Variants in PKHD1 observed in about 807,000 individuals in gnomAD.
The protein encoded by PKHD1 is PKHD1 ciliary IPT domain containing fibrocystin/polyductin.
In PKHD1, 291 loss-of-function variants were observed where a neutral mutation model predicts 412.0. The observed-to-expected ratio is 0.71, with a 90% CI of 0.64 to 0.78. The LOEUF is 0.78. PKHD1 is among the 30% of genes least tolerant of loss of function. PKHD1 has a pLI of 0.00. For synonymous variants in PKHD1, 1,777 were observed against 1,821.5 expected, an observed-to-expected ratio of 0.98 and a Z score of 0.62; for missense variants, 4,825 against 4,950.7, an observed-to-expected ratio of 0.97 and a Z score of 0.76.
At chr6:51,807,383 A>G (rs1319600290) in intron 52 of PKHD1, among the ~76,000 whole-genome samples, 1 of 147,358 alleles carries the variant, frequency 6.8e-6, no homozygotes, top group African/African-American at 2.5e-5. Context: ...GGTTGCAGTG[A>G]GCCGAAATCA....
intron 60 of PKHD1, among the ~76,000 whole-genome samples, chr6:51,698,376 A>G (rs1329895195): frequency 6.6e-6 from 1 of 152,232 alleles, no homozygotes; most frequent in Non-Finnish European, 1.5e-5. Context: ...AAAAGTACAA[A>G]AAGAATTTAG....
At chr6:51,971,236 A>G (rs1005866833) in intron 35 of PKHD1, among the ~76,000 whole-genome samples, 1 of 152,198 alleles carries the variant, frequency 6.6e-6, no homozygotes, top group Admixed American at 6.5e-5. Context: ...TTAGGCCACT[A>G]AGATGGTGGT....
At chr6:51,944,100 CCTGCCTTA>C (rs1789044500) in intron 36 of PKHD1, among the ~76,000 whole-genome samples, 1 of 152,176 alleles carries the variant, frequency 6.6e-6, no homozygotes, top group South Asian at 2.1e-4. Flanking sequence ...ATGGCCTGTT[CCTGCCTTA>C]ACTGATGACA....
At chr6:51,620,484 TG>T (rs1166701559) in intron 66 of PKHD1, among the ~76,000 whole-genome samples, 2 of 152,076 alleles carry the variant, frequency 1.3e-5, no homozygotes, top group African/African-American at 4.8e-5. Context: ...TCCTAAACCC[TG>T]GGGGGTAGAT....
intron 16 of PKHD1, among the ~76,000 whole-genome samples, chr6:52,057,819 T>C (rs1214319291): frequency 6.6e-6 from 1 of 152,238 alleles, no homozygotes; most frequent in Non-Finnish European, 1.5e-5. Context: ...AGAGTTCATA[T>C]TGATTTGTCT....
At chr6:51,631,175 T>C (rs1013876137) in intron 65 of PKHD1, among the ~76,000 whole-genome samples, 6 of 152,150 alleles carry the variant, frequency 3.9e-5, no homozygotes, top group African/African-American at 1.2e-4. Flanking sequence ...AATCACCTAC[T>C]TCACGGGATT....
intron 36 of PKHD1, among the ~76,000 whole-genome samples, chr6:51,958,443 C>T (rs1460996821): frequency 6.6e-6 from 1 of 152,122 alleles, no homozygotes; most frequent in Non-Finnish European, 1.5e-5. Flanking sequence ...GAATGTTATA[C>T]TTATCCTGCC....
chr6:52,004,091 C>A (rs1344690927), intron 35 of PKHD1, among the ~76,000 whole-genome samples: 1 of 151,944 alleles, frequency 6.6e-6, no homozygotes, highest in Non-Finnish European at 1.5e-5. Context: ...ATTTTATTTT[C>A]TATCCCTTCT....
chr6:51,641,630 T>A (rs1769362563), intron 63 of PKHD1, among the ~76,000 whole-genome samples: 1 of 152,104 alleles, frequency 6.6e-6, no homozygotes, highest in Admixed American at 6.6e-5. Flanking sequence ...TAGCAAAGAC[T>A]TGGAATCAAC....
intron 43 of PKHD1, among the ~76,000 whole-genome samples, chr6:51,890,025 T>A (rs1216971046): frequency 6.6e-6 from 1 of 151,976 alleles, no homozygotes; most frequent in African/African-American, 2.4e-5. Flanking sequence ...ATTTTTTTTT[T>A]AAGTAATGAT....
chr6:51,664,960 A>G (rs1331202645), intron 60 of PKHD1, among the ~76,000 whole-genome samples: 1 of 152,124 alleles, frequency 6.6e-6, no homozygotes, highest in Non-Finnish European at 1.5e-5. Flanking sequence ...AATATTAGTT[A>G]TTATAAAATA....
chr6:51,808,221 T>A (rs1324770393), intron 52 of PKHD1, among the ~76,000 whole-genome samples: 1 of 151,702 alleles, frequency 6.6e-6, no homozygotes, highest in Non-Finnish European at 1.5e-5. Context: ...ACAAAGGGAG[T>A]GAATAAAAAT....
chr6:51,764,956 C>T (rs543025444), intron 55 of PKHD1, among the ~76,000 whole-genome samples: 1 of 152,216 alleles, frequency 6.6e-6, no homozygotes, highest in African/African-American at 2.4e-5. Flanking sequence ...ATGTCTTCTT[C>T]AATAATGACA....
At chr6:52,035,325 G>A (rs775216225) in intron 28 of PKHD1, among the ~76,000 whole-genome samples, 3 of 152,276 alleles carry the variant, frequency 2.0e-5, no homozygotes, top group East Asian at 1.9e-4. Flanking sequence ...TATTTGTTAC[G>A]TGTCACTAAT....
chr6:51,983,894 A>C (rs879656966), intron 35 of PKHD1, among the ~76,000 whole-genome samples: 2 of 152,240 alleles, frequency 1.3e-5, no homozygotes, highest in Non-Finnish European at 2.9e-5. Flanking sequence ...GTTTATAGCA[A>C]CCACTTTACC....
At chr6:52,027,071 C>T (rs959716609) in intron 31 of PKHD1, among the ~76,000 whole-genome samples, 51 of 152,194 alleles carry the variant, frequency 3.4e-4, no homozygotes, top group African/African-American at 1.2e-3. Flanking sequence ...ATTTCTGAGT[C>T]TTTCATCTGT....
chr6:52,087,222 T>C (rs1246264858), intron 1 of PKHD1, among the ~76,000 whole-genome samples: 2 of 152,196 alleles, frequency 1.3e-5, no homozygotes, highest in Non-Finnish European at 2.9e-5. Context: ...AGTCATGTTT[T>C]TGTTCTCCTC....
intron 23 of PKHD1, among the ~76,000 whole-genome samples, chr6:52,047,503 T>C (rs934961752): frequency 3.9e-5 from 6 of 152,194 alleles, no homozygotes; most frequent in Admixed American, 1.3e-4. Context: ...AAGTAACGTA[T>C]CATTATCACT....
intron 63 of PKHD1, among the ~76,000 whole-genome samples, chr6:51,643,155 T>C (rs903559347): frequency 2.0e-5 from 3 of 148,626 alleles, no homozygotes; most frequent in Admixed American, 6.7e-5. Context: ...ACACCAACAG[T>C]AGCAAAATGG....
Sources: allele counts gnomAD v4.1 joint callset (sites outside exome capture counted in the v4.1 genomes callset), GRCh38; gene constraint gnomAD v4.1.1; transcripts MANE v1.5; gene names NCBI Gene and HGNC (gene_info 2026-07-23, HGNC 2026-07-21).